Variants in PTPN1 observed in about 807,000 individuals in gnomAD.
PTPN1 encodes protein tyrosine phosphatase non-receptor type 1.
A neutral mutation model predicts 59.9 loss-of-function variants in PTPN1; 12 were observed. The observed-to-expected ratio is 0.20, with a 90% CI of 0.13 to 0.32. The LOEUF (loss-of-function observed/expected upper bound fraction) is 0.32, where lower values mean the gene tolerates loss of function less well. PTPN1 is among the 10% of genes least tolerant of loss of function. The pLI, the probability that PTPN1 is intolerant of heterozygous loss-of-function variation, is 1.00. For missense variants in PTPN1, 356 were observed against 549.2 expected (o/e 0.65, Z 3.52); for synonymous variants, 178 against 203.6 (o/e 0.87, Z 1.07).
At position 50,568,362 on chromosome 20, in the gene PTPN1, G is replaced by A. The variant is rs757388840; in HGVS notation, c.256-18G>A. 6.2e-7 allele frequency: 1 copy of A among 1,606,756 alleles called. No homozygotes were observed. The highest frequency in any genetic ancestry group is 8.5e-7 in the Non-Finnish European group (1 of 1,173,278). On this transcript the variant is annotated intron_variant, in intron 3 of 9. Transcript: ENST00000371621. The surrounding 1 kb of genome is among the most constrained non-coding windows in gnomAD (Gnocchi z 5.6). Reference sequence around the variant, plus strand: ...TTATGTTTCAGATGTCACATGTTGTGTTATTGTGTCTTTGCAGGGCCCTTT... The same window carrying A: ...TTATGTTTCAGATGTCACATGTTGTATTATTGTGTCTTTGCAGGGCCCTTT...
At position 50,540,297 on chromosome 20, in the gene PTPN1, T is replaced by C. The variant is rs540036674; in HGVS notation, c.64-21066T>C. The stretch of plus-strand genomic sequence containing the variant: ...GTCTTGAACTCCTGACCTCGTGATC[T>C]GCCCGCCTCAGCCTCCCAAAGTGCT... On this transcript the variant is annotated intron_variant, in intron 1 of 9. Transcript: ENST00000371621. 2.6e-5 allele frequency among the ~76,000 whole-genome samples: 4 copies of C among 152,266 alleles called. No homozygotes were observed. In the East Asian group the frequency reaches 7.7e-4, roughly 29 times the overall value.
chr20:50,576,696 A>T (rs1208407406), intron 5 of PTPN1, among the ~76,000 whole-genome samples: 1 of 151,254 alleles, frequency 6.6e-6, no homozygotes, highest in Non-Finnish European at 1.5e-5. Context: ...GTGAAACCCC[A>T]TCTCTACTAA....
chr20:50,546,106 G>A (rs940940644), intron 1 of PTPN1, among the ~76,000 whole-genome samples: 13 of 152,304 alleles, frequency 8.5e-5, no homozygotes, highest in Admixed American at 8.5e-4. Context: ...CTTGTTGGCA[G>A]CAGGGATGGT....
At position 50,565,064 on chromosome 20, in the gene PTPN1, A is replaced by T; in HGVS notation, c.250A>T (p.Thr84Ser). The change falls in exon 3 of 10, where the codon ACC becomes TCC. Residue 84 changes from threonine (T) to serine (S), a missense_variant. By Grantham distance (58) the Thr-to-Ser change is moderately conservative. Transcript: ENST00000371621. The part of the protein sequence containing the change: ...MEEAQRSYIL[T>S]QGPLPNTCGH... The stretch of plus-strand genomic sequence containing the variant: ...AGAAGCCCAAAGGAGTTACATTCTT[A>T]CCCAGGTAAGCAGATTGTCTGAATT... 6.2e-7 allele frequency: 1 copy of T among 1,611,258 alleles called. No homozygotes were observed. The highest frequency in any genetic ancestry group is 8.5e-7 in the Non-Finnish European group (1 of 1,179,174).
chr20:50,549,202 G>A (rs2082690518), intron 1 of PTPN1, among the ~76,000 whole-genome samples: 1 of 152,116 alleles, frequency 6.6e-6, no homozygotes, highest in Non-Finnish European at 1.5e-5. Context: ...TTCTCATGCT[G>A]TTTTTGAGCC....
intron 1 of PTPN1, among the ~76,000 whole-genome samples, chr20:50,520,242 A>G (rs143678240): frequency 0.023 from 3,566 of 152,040 alleles, 121 homozygotes; most frequent in African/African-American, 0.078. Context: ...GTGGTGGTAC[A>G]TGCCTGTAAT....
At chr20:50,516,287 G>A (rs1406012115) in intron 1 of PTPN1, among the ~76,000 whole-genome samples, 7 of 151,736 alleles carry the variant, frequency 4.6e-5, no homozygotes, top group Non-Finnish European at 8.8e-5. Flanking sequence ...ACCACCCTTA[G>A]GGGCAAGAGA....
rs2082856526 is a variant in PTPN1, at chr20:50,579,800, A to G, written c.962A>G (p.Asn321Ser). 1 of 1,613,874 alleles carries G rather than the reference A, an allele frequency of 6.2e-7. No individual in the cohort carries two copies. Among genetic ancestry groups the G allele is most frequent in the Non-Finnish European group, 8.5e-7 (1 of 1,179,940 alleles). The change falls in exon 8 of 10, where the codon AAT (asparagine) becomes AGT (serine). Residue 321 changes from asparagine (N) to serine (S), a missense_variant. Coordinates refer to ENST00000371621, the MANE Select transcript of PTPN1 (RefSeq NM_002827.4). ...RPPKRILEPH[N>S]GKCREFFPNH... ...CCCAAACGAATCCTGGAGCCACACA[A>G]TGGGAAATGCAGGGAGTTCTTCCCA...
intron 3 of PTPN1, among the ~76,000 whole-genome samples, chr20:50,566,917 G>A (rs777624079): frequency 2.6e-5 from 4 of 152,276 alleles, no homozygotes; most frequent in East Asian, 3.9e-4. Context: ...CATGTGCCAC[G>A]GGATTTCTGG....
chr20:50,543,728 C>CT (rs1365499035), intron 1 of PTPN1, among the ~76,000 whole-genome samples: 1 of 151,918 alleles, frequency 6.6e-6, no homozygotes, highest in Non-Finnish European at 1.5e-5. Flanking sequence ...ATGTTAAATG[C>CT]TTTTTTTAAA....
chr20:50,520,801 G>A (rs1390704014), intron 1 of PTPN1, among the ~76,000 whole-genome samples: 1 of 152,156 alleles, frequency 6.6e-6, no homozygotes, highest in African/African-American at 2.4e-5. Flanking sequence ...AGAAGACTTG[G>A]GTTTGGGTTC....
rs915047144 is a variant in PTPN1, at chr20:50,583,059, G to A, written c.*344G>A. 2 of 319,368 alleles carry A rather than the reference G, an allele frequency of 6.3e-6. No homozygotes were observed. The highest frequency in any genetic ancestry group is 1.2e-5 in the Non-Finnish European group (2 of 173,402). 19.8% of individuals were successfully genotyped at this position (319,368 alleles called of 1,614,324 possible). On this transcript the variant is annotated 3_prime_UTR_variant, in exon 10 of 10. Coordinates refer to ENST00000371621, the MANE Select transcript of PTPN1 (RefSeq NM_002827.4). ...CCTCCTGGAGCATCCCAGGCGGGCG[G>A]CACGCCAACAGCCCCCCCCTTGAAT...
chr20:50,513,635 G>C (rs1468251421), intron 1 of PTPN1, among the ~76,000 whole-genome samples: 1 of 152,102 alleles, frequency 6.6e-6, no homozygotes. Flanking sequence ...TTTGTAAAAT[G>C]GGCCACTCTT....
chr20:50,576,566 AATTTTAAAATAC>A (rs2082837670), intron 5 of PTPN1, among the ~76,000 whole-genome samples: 1 of 152,144 alleles, frequency 6.6e-6, no homozygotes, highest in Non-Finnish European at 1.5e-5. Context: ...CTTCTTATTC[AATTTTAAAATAC>A]ATTTTAACGG....
chr20:50,554,161 G>A (rs2122767714), intron 1 of PTPN1, among the ~76,000 whole-genome samples: 2 of 152,320 alleles, frequency 1.3e-5, no homozygotes, highest in South Asian at 4.1e-4. Context: ...TTGGGAGCCT[G>A]AGTCAGGAGG....
intron 1 of PTPN1, among the ~76,000 whole-genome samples, chr20:50,547,897 C>T (rs748515258): frequency 1.3e-5 from 2 of 152,054 alleles, no homozygotes; most frequent in Non-Finnish European, 2.9e-5. Context: ...TGACAATGGT[C>T]CCTTTTTATT....
chr20:50,518,822 T>C (rs1176244931), intron 1 of PTPN1, among the ~76,000 whole-genome samples: 1 of 152,198 alleles, frequency 6.6e-6, no homozygotes, highest in African/African-American at 2.4e-5. Flanking sequence ...AAAGTTACAT[T>C]AAGCTACATC....
chr20:50,566,806 G>A (rs1234690186), intron 3 of PTPN1, among the ~76,000 whole-genome samples: 2 of 152,174 alleles, frequency 1.3e-5, no homozygotes, highest in East Asian at 1.9e-4. Context: ...CTAAACTGGG[G>A]TGGTGCTGGG....
At chr20:50,566,610 A>AT (rs200233768) in intron 3 of PTPN1, among the ~76,000 whole-genome samples, 14 of 149,674 alleles carry the variant, frequency 9.4e-5, no homozygotes, top group African/African-American at 2.2e-4. Flanking sequence ...CACCCTTCCC[A>AT]TTTTTTTTTC....
Sources: allele counts gnomAD v4.1 joint callset (sites outside exome capture counted in the v4.1 genomes callset), GRCh38; gene constraint gnomAD v4.1.1; non-coding constraint Gnocchi (gnomAD v3.1); transcripts MANE v1.5; gene names NCBI Gene and HGNC (gene_info 2026-07-23, HGNC 2026-07-21).